The following EIF4H variants were observed in gnomAD, a reference collection of about 807,000 sequenced individuals.
The protein encoded by EIF4H is eukaryotic translation initiation factor 4H.
A neutral mutation model predicts 30.6 loss-of-function variants in EIF4H; 8 were observed. That is an observed-to-expected ratio of 0.26 (90% confidence interval 0.15 to 0.47). The LOEUF is 0.47. Among genes scored for constraint, EIF4H ranks in the 20% least tolerant of loss-of-function variants. The pLI, the probability that EIF4H is intolerant of heterozygous loss-of-function variation, is 0.99. For missense variants in EIF4H, 188 were observed against 339.5 expected, an observed-to-expected ratio of 0.55 and a Z score of 3.51; for synonymous variants, 106 against 122.7, an observed-to-expected ratio of 0.86 and a Z score of 0.90.
chr7:74,180,821 C>G (rs1800942597), intron 1 of EIF4H, among the ~76,000 whole-genome samples: 1 of 152,336 alleles, frequency 6.6e-6, no homozygotes, highest in Non-Finnish European at 1.5e-5. Flanking sequence ...AGGTGTGGCC[C>G]TCCAGGCCAG....
intron 2 of EIF4H, 71 bp from the exon 3 acceptor site, chr7:74,189,602 A>T: frequency 6.4e-7 from 1 of 1,562,584 alleles, no homozygotes; most frequent in Non-Finnish European, 8.7e-7. Context: ...GAGAAGTAGT[A>T]TGAATAGGAT....
chr7:74,190,565 C>T (rs1021539582), intron 5 of EIF4H, among the ~76,000 whole-genome samples: 32 of 152,198 alleles, frequency 2.1e-4, no homozygotes, highest in Admixed American at 7.2e-4. Context: ...TCCTTGAGCT[C>T]GCTCAGCAGT....
At chr7:74,190,800 G>A (rs782231845) in intron 5 of EIF4H, among the ~76,000 whole-genome samples, 29 of 152,130 alleles carry the variant, frequency 1.9e-4, no homozygotes, top group Non-Finnish European at 3.4e-4. Context: ...CCCAGGCAGA[G>A]CAGCTGGTGG....
At chr7:74,175,363 G>C (rs373068614) in intron 1 of EIF4H, among the ~76,000 whole-genome samples, 1 of 152,178 alleles carries the variant, frequency 6.6e-6, no homozygotes, top group African/African-American at 2.4e-5. Context: ...CTTGGGCTTT[G>C]TGTTTTCTTG....
At chr7:74,180,633 A>G (rs1800939000) in intron 1 of EIF4H, among the ~76,000 whole-genome samples, 1 of 152,220 alleles carries the variant, frequency 6.6e-6, no homozygotes, top group Admixed American at 6.5e-5. Context: ...TGGGAACCAT[A>G]TTTTAAGGCA....
chr7:74,186,666 G>A (rs577041716), intron 1 of EIF4H, among the ~76,000 whole-genome samples: 5 of 152,148 alleles, frequency 3.3e-5, no homozygotes, highest in Middle Eastern at 6.8e-3. Flanking sequence ...CACGCCATAC[G>A]CATGTATTTG....
At chr7:74,192,542 G>A (rs1450610959) in intron 5 of EIF4H, among the ~76,000 whole-genome samples, 4 of 152,092 alleles carry the variant, frequency 2.6e-5, no homozygotes, top group Non-Finnish European at 4.4e-5. Flanking sequence ...TGCAGTCAGC[G>A]CTTATCATTG....
chr7:74,174,485 G>T, intron 1 of EIF4H, 43 bp downstream of exon 1: 1 of 1,341,222 alleles, frequency 7.5e-7, no homozygotes, highest in Non-Finnish European at 9.7e-7. Context: ...CTGCGGGACC[G>T]GCGGAGTCGG....
At chr7:74,195,097 C>A in intron 6 of EIF4H, 72 bp from the exon 7 acceptor site, 1 of 1,580,090 alleles carries the variant, frequency 6.3e-7, no homozygotes, top group East Asian at 2.3e-5. Context: ...CTGACAGCAA[C>A]ATCAGCATGG....
Position 74,194,728 on chromosome 7 carries a change from G to C in EIF4H, c.470-13G>C, listed in dbSNP as rs782252112. 14 of 1,566,626 alleles carry C rather than the reference G, an allele frequency of 8.9e-6. No individual in the cohort carries two copies. In the Middle Eastern group the frequency reaches 1.1e-3, roughly 126 times the overall value. ...AGTTTGAAAAGTAATTCAGTGTCCTGTTTCTTCCTCAGGCTTCAGGGATGA... is the reference window on the plus strand; with the variant it reads ...AGTTTGAAAAGTAATTCAGTGTCCTCTTTCTTCCTCAGGCTTCAGGGATGA... On this transcript the variant is annotated splice_polypyrimidine_tract_variant and intron_variant, in intron 5 of 6. Transcript: ENST00000265753.
At chr7:74,189,946 C>A (rs782077078) in intron 4 of EIF4H, 28 bp downstream of exon 4, 2 of 1,610,988 alleles carry the variant, frequency 1.2e-6, no homozygotes, top group East Asian at 2.2e-5. Context: ...AGCTGAACAT[C>A]ATAAAGATTT....
intron 4 of EIF4H, 150 bp downstream of exon 4, chr7:74,190,068 A>C (rs1801169207): frequency 2.6e-6 from 3 of 1,138,810 alleles, no homozygotes; most frequent in Non-Finnish European, 3.7e-6. Context: ...TCCTAGAAAG[A>C]ATGGCTGATG....
At chr7:74,195,053 A>G in intron 6 of EIF4H, 116 bp from the exon 7 acceptor site, 4 of 1,533,240 alleles carry the variant, frequency 2.6e-6, no homozygotes, top group Non-Finnish European at 3.5e-6. Flanking sequence ...TTGGGGTAGC[A>G]GGCCAGGTGA....
intron 5 of EIF4H, 42 bp downstream of exon 5, chr7:74,190,348 G>A (rs781841187): frequency 1.9e-6 from 3 of 1,591,652 alleles, no homozygotes; most frequent in Non-Finnish European, 2.6e-6. Context: ...TTTCCTAGGA[G>A]CCTTGCTGCT....
At chr7:74,177,869 A>G (rs868933610) in intron 1 of EIF4H, among the ~76,000 whole-genome samples, 3 of 152,216 alleles carry the variant, frequency 2.0e-5, no homozygotes, top group Admixed American at 1.3e-4. Context: ...CAGTTCAGCC[A>G]TGTGTTAGTT....
At chr7:74,189,982 G>T in intron 4 of EIF4H, 64 bp downstream of exon 4, 1 of 1,561,652 alleles carries the variant, frequency 6.4e-7, no homozygotes, top group Non-Finnish European at 8.7e-7. Flanking sequence ...ATTCCAACTC[G>T]TGAACGTTCC....
intron 5 of EIF4H, among the ~76,000 whole-genome samples, chr7:74,194,099 C>T (rs541706908): frequency 5.9e-5 from 9 of 152,366 alleles, no homozygotes; most frequent in South Asian, 2.1e-4. Flanking sequence ...GGGGAAAGAA[C>T]GCTTTGCCCC....
intron 4 of EIF4H, 164 bp downstream of exon 4, chr7:74,190,082 C>T: frequency 9.0e-7 from 1 of 1,115,446 alleles, no homozygotes; most frequent in South Asian, 1.6e-5. Flanking sequence ...GCTGATGCTT[C>T]TGCAAGCCTG....
chr7:74,188,190 A>G (rs114976313), intron 2 of EIF4H, among the ~76,000 whole-genome samples: 1 of 152,348 alleles, frequency 6.6e-6, no homozygotes, highest in African/African-American at 2.4e-5. Flanking sequence ...TGGTACTGTC[A>G]TCCAGTAATC....
Sources: gnomAD v4.1 joint callset for allele counts (sites outside exome capture counted in the v4.1 genomes callset) on GRCh38, gnomAD v4.1.1 for gene constraint, MANE v1.5 for transcripts, NCBI Gene and HGNC (gene_info 2026-07-23, HGNC 2026-07-21) for gene names.